Variants in GRHL3 observed in about 807,000 individuals in gnomAD.
GRHL3 encodes grainyhead-like protein 3 homolog.
GRHL3 carries 20 observed loss-of-function variants against 70.3 expected under a neutral mutation model. The observed-to-expected ratio is 0.28, with a 90% CI of 0.20 to 0.41. GRHL3 has a LOEUF of 0.41. Among genes scored for constraint, GRHL3 ranks in the 10% least tolerant of loss-of-function variants. The pLI, the probability that GRHL3 is intolerant of heterozygous loss-of-function variation, is 1.00. For missense variants in GRHL3, 637 were observed against 762.3 expected (o/e 0.84, Z 1.94); for synonymous variants, 299 against 299.9 (o/e 1.00, Z 0.03).
chr1:24,347,559 C>G lies in GRHL3; in HGVS notation c.1629+6C>G. ...TGAAGGGGCTGAGGAATGCGGTAAG[C>G]TGCCTGTGGACCCCGCCCCCCATGG... is the stretch of plus-strand genomic sequence containing the variant. On this transcript the variant is annotated splice_donor_region_variant and intron_variant, in intron 14 of 15. Transcript: ENST00000361548. 6.2e-7 allele frequency: 1 copy of G among 1,611,186 alleles called. No homozygotes were observed.
At chr1:24,364,282 G>A in exon 16 of GRHL3, 2 of 1,549,474 alleles carry the variant, frequency 1.3e-6, no homozygotes, top group Non-Finnish European at 8.7e-7. Context: ...CATGGGTTTT[G>A]GAGATGGATT....
In GRHL3 at chr1:24,342,850, G is replaced by T. The variant is rs370284416; in HGVS notation, c.1286-42G>T. Reference sequence around the variant, plus strand: ...GAGACCAGAGGTGGGAGGGACTTGAGTGGAGGGACCTCGGGGCACATTGGC... The same window carrying T: ...GAGACCAGAGGTGGGAGGGACTTGATTGGAGGGACCTCGGGGCACATTGGC... On this transcript the variant is annotated intron_variant, in intron 10 of 15. Transcript: ENST00000361548. This position sits in a 1 kb window ranked among gnomAD's most constrained non-coding sequence, Gnocchi z 4.8. 36 of 1,614,084 alleles carry T rather than the reference G, an allele frequency of 2.2e-5. No individual in the cohort carries two copies. Among genetic ancestry groups the T allele is most frequent in the Non-Finnish European group, 2.5e-5 (29 of 1,180,024 alleles).
intron 7 of GRHL3, 89 bp from the exon 8 acceptor site, chr1:24,339,579 G>A (rs539594370): frequency 5.9e-6 from 5 of 852,022 alleles, no homozygotes; most frequent in South Asian, 5.3e-5. Flanking sequence ...ACGCCCGGCC[G>A]AGTGAGGCCC....
rs982636314 is a variant in GRHL3, at chr1:24,319,464, G to A, written c.-88G>A. On this transcript the variant is annotated 5_prime_UTR_variant, in exon 1 of 16. Transcript: ENST00000361548. ...CTCAACATAAATCAAACACTTTCCCGGGCAGAGAATGTCTGTGTCAGGCAA... is the reference window on the plus strand; with the variant it reads ...CTCAACATAAATCAAACACTTTCCCAGGCAGAGAATGTCTGTGTCAGGCAA... 41 of 1,334,686 alleles carry A rather than the reference G, an allele frequency of 3.1e-5. No individual in the cohort carries two copies. In the African/African-American group the frequency reaches 4.9e-4, roughly 16 times the overall value. 82.7% of individuals were successfully genotyped at this position (1,334,686 alleles called of 1,614,324 possible). A position where few individuals can be genotyped will look rare whatever the true frequency, so the allele number is the denominator to read the frequency against.
At chr1:24,358,390 C>T, downstream of GRHL3, 1 of 737,286 alleles carries the variant, frequency 1.4e-6, no homozygotes, top group Non-Finnish European at 2.5e-6. Context: ...GCAATGGCAG[C>T]AGTCCGGCTA....
intron 1 of GRHL3, among the ~76,000 whole-genome samples, chr1:24,323,593 G>T (rs1476386985): frequency 6.6e-6 from 1 of 152,184 alleles, no homozygotes; most frequent in Non-Finnish European, 1.5e-5. Context: ...CTAAGTGTCA[G>T]TTTTTGCCCA....
intron 15 of GRHL3, among the ~76,000 whole-genome samples, chr1:24,352,887 C>G (rs1023114910): frequency 6.6e-6 from 1 of 152,198 alleles, no homozygotes; most frequent in African/African-American, 2.4e-5. Context: ...CAGCCCAAGC[C>G]TGGACCTTCT....
At chr1:24,349,346 C>T (rs1640412217) in intron 14 of GRHL3, among the ~76,000 whole-genome samples, 1 of 152,228 alleles carries the variant, frequency 6.6e-6, no homozygotes. Context: ...GTGGCTTATG[C>T]TGTTTGAGCT....
At chr1:24,338,941 T>G (rs886751514) in intron 7 of GRHL3, among the ~76,000 whole-genome samples, 1 of 152,258 alleles carries the variant, frequency 6.6e-6, no homozygotes, top group African/African-American at 2.4e-5. Context: ...TAGCATATTG[T>G]AAGTGTTGAA....
At chr1:24,319,595 C>A (rs750123875) in intron 1 of GRHL3, 27 bp downstream of exon 1, 1 of 1,613,544 alleles carries the variant, frequency 6.2e-7, no homozygotes, top group Non-Finnish European at 8.5e-7. Flanking sequence ...GGATACCTGC[C>A]GCTCTCAGAG....
downstream of GRHL3, among the ~76,000 whole-genome samples, chr1:24,356,839 G>A (rs1055765517): frequency 2.0e-5 from 3 of 152,150 alleles, no homozygotes; most frequent in Non-Finnish European, 4.4e-5. Context: ...ATCTGTCTGA[G>A]TAAAACTTTT....
At chr1:24,348,344 C>T (rs1033422722) in intron 14 of GRHL3, among the ~76,000 whole-genome samples, 24 of 152,174 alleles carry the variant, frequency 1.6e-4, no homozygotes, top group Admixed American at 2.6e-4. Flanking sequence ...ACACAGCCTC[C>T]GAGAGGTCAG....
intron 1 of GRHL3, among the ~76,000 whole-genome samples, chr1:24,330,817 C>T (rs960152853): frequency 6.6e-6 from 1 of 152,232 alleles, no homozygotes; most frequent in Non-Finnish European, 1.5e-5. Flanking sequence ...TCTGTGTGCC[C>T]TGCAGCCTTC....
intron 15 of GRHL3, chr1:24,360,699 G>A (rs1026315101): frequency 2.9e-6 from 2 of 695,714 alleles, no homozygotes; most frequent in Non-Finnish European, 4.6e-6. Context: ...TTTGTACTGT[G>A]AAAATGTGAA....
rs1382304662 is a variant in GRHL3, at chr1:24,322,686, C to T, written c.17+3118C>T. ...TGAGTGGCCGCAGCCAGGCGGTCGG[C>T]AGAGCTCCCACTGACCCACCGGAGG... On this transcript the variant is annotated intron_variant, in intron 1 of 15. Coordinates refer to ENST00000361548, the MANE Select transcript of GRHL3 (RefSeq NM_198173.3). This position sits in a 1 kb window ranked among gnomAD's most constrained non-coding sequence, Gnocchi z 4.4. Among the ~76,000 whole-genome samples the T allele has an allele frequency of 6.6e-6, 1 of 152,182 alleles. No homozygotes were observed. Among genetic ancestry groups the T allele is most frequent in the Non-Finnish European group, 1.5e-5 (1 of 68,024 alleles).
At chr1:24,353,811 T>C (rs1355331891) in intron 15 of GRHL3, among the ~76,000 whole-genome samples, 1 of 152,104 alleles carries the variant, frequency 6.6e-6, no homozygotes, top group East Asian at 1.9e-4. Flanking sequence ...ACCCAGGTCC[T>C]TGCCTGGAGA....
At chr1:24,348,419 T>C (rs1640377442) in intron 14 of GRHL3, among the ~76,000 whole-genome samples, 1 of 152,202 alleles carries the variant, frequency 6.6e-6, no homozygotes, top group African/African-American at 2.4e-5. Flanking sequence ...GCTCTCCTCA[T>C]GCTACTCGGC....
At chr1:24,356,401 G>A (rs761515464), downstream of GRHL3, among the ~76,000 whole-genome samples, 86 of 151,512 alleles carry the variant, frequency 5.7e-4, 1 homozygote, top group Non-Finnish European at 2.5e-4. Flanking sequence ...CACCATGCCC[G>A]GCTAATTTTT....
intron 15 of GRHL3, among the ~76,000 whole-genome samples, chr1:24,360,517 T>G (rs531143462): frequency 6.6e-6 from 1 of 152,314 alleles, no homozygotes; most frequent in South Asian, 2.1e-4. Flanking sequence ...ACAAAAGCTA[T>G]GGCCTCCTTT....
Sources: gnomAD v4.1 joint callset for allele counts (sites outside exome capture counted in the v4.1 genomes callset) on GRCh38, gnomAD v4.1.1 for gene constraint, Gnocchi (gnomAD v3.1) non-coding constraint, MANE v1.5 for transcripts, NCBI Gene and HGNC (gene_info 2026-07-23, HGNC 2026-07-21) for gene names.